LHFPL3: variants seen among roughly 807,000 people sequenced by gnomAD.
LHFPL3 encodes the protein LHFPL tetraspan subfamily member 3 protein.
A neutral mutation model predicts 19.3 loss-of-function variants in LHFPL3; 5 were observed. The ratio of observed to expected loss-of-function variants is 0.26; its 90% CI spans 0.14 to 0.54. LHFPL3 has a LOEUF of 0.54. Among genes scored for constraint, LHFPL3 ranks in the 20% least tolerant of loss-of-function variants. The pLI is 0.94. For synonymous variants in LHFPL3, 133 were observed against 126.2 expected (o/e 1.05, Z -0.36); for missense variants, 249 against 307.4 (o/e 0.81, Z 1.42).
intron 2 of LHFPL3, among the ~76,000 whole-genome samples, chr7:104,832,564 C>G (rs1051938109): frequency 6.6e-6 from 1 of 151,190 alleles, no homozygotes; most frequent in Non-Finnish European, 1.5e-5. Context: ...TCAAATAGCT[C>G]TTTCCCTGCC....
At chr7:104,782,991 C>T (rs889646891) in intron 2 of LHFPL3, among the ~76,000 whole-genome samples, 3 of 152,256 alleles carry the variant, frequency 2.0e-5, no homozygotes, top group Non-Finnish European at 4.4e-5. Context: ...TTTTATCCCT[C>T]CTTAAGATCT....
intron 2 of LHFPL3, among the ~76,000 whole-genome samples, chr7:104,826,032 A>G (rs1055291239): frequency 2.0e-5 from 3 of 151,978 alleles, no homozygotes; most frequent in Non-Finnish European, 4.4e-5. Context: ...ATATTGGGTA[A>G]TTAATTAGCA....
At chr7:104,356,538 C>T (rs1790279455) in intron 1 of LHFPL3, among the ~76,000 whole-genome samples, 1 of 152,106 alleles carries the variant, frequency 6.6e-6, no homozygotes. Flanking sequence ...TTTAATGCAT[C>T]TTGGAACAGG....
intron 1 of LHFPL3, among the ~76,000 whole-genome samples, chr7:104,549,555 A>G (rs143031635): frequency 7.2e-5 from 11 of 152,034 alleles, no homozygotes; most frequent in African/African-American, 2.7e-4. Context: ...TTGGAGTGGT[A>G]GGGACCCACA....
chr7:104,679,686 T>C (rs1792659690), intron 1 of LHFPL3, among the ~76,000 whole-genome samples: 1 of 152,230 alleles, frequency 6.6e-6, no homozygotes, highest in African/African-American at 2.4e-5. Context: ...GGAGTTTTGT[T>C]AGACCATAAT....
At chr7:104,602,693 A>T (rs74523438) in intron 1 of LHFPL3, among the ~76,000 whole-genome samples, 1 of 152,346 alleles carries the variant, frequency 6.6e-6, no homozygotes, top group Non-Finnish European at 1.5e-5. Flanking sequence ...AAGATGTCTT[A>T]GTTTATTTTA....
chr7:104,527,515 G>A (rs1425506260), intron 1 of LHFPL3, among the ~76,000 whole-genome samples: 1 of 152,212 alleles, frequency 6.6e-6, no homozygotes, highest in Non-Finnish European at 1.5e-5. Flanking sequence ...AAGAAGAGGG[G>A]AGGAACTAGT....
At chr7:104,815,113 G>A (rs1167595884) in intron 2 of LHFPL3, among the ~76,000 whole-genome samples, 6 of 152,244 alleles carry the variant, frequency 3.9e-5, no homozygotes, top group South Asian at 4.1e-4. Context: ...CCGAGAGCAC[G>A]AGGATGCATG....
intron 2 of LHFPL3, among the ~76,000 whole-genome samples, chr7:104,807,688 G>A (rs1790389912): frequency 6.6e-6 from 1 of 152,212 alleles, no homozygotes; most frequent in African/African-American, 2.4e-5. Context: ...AAGGGGAAGA[G>A]AAGGAGCAGC....
rs562568611 is a variant in LHFPL3, at chr7:104,629,784, T to G, written c.446-106891T>G. Among the ~76,000 whole-genome samples the G allele has an allele frequency of 2.6e-5, 4 of 152,344 alleles. No individual in the cohort carries two copies. The South Asian group carries it at 8.3e-4, about 32-fold the overall frequency. On this transcript the variant is annotated intron_variant, in intron 1 of 2. Transcript: ENST00000424859. ...TAAACATGGCCCTGGGCTGTAACCT[T>G]TAGCTGACTCTTCAGCTTGACACAA...
In LHFPL3 at chr7:104,638,152, T is replaced by A. The variant is rs2193198; in HGVS notation, c.446-98523T>A. Among the ~76,000 whole-genome samples, 326 of 152,246 alleles carry A rather than the reference T, an allele frequency of 2.1e-3. 2 individuals carry two copies. Among genetic ancestry groups the A allele is most frequent in the African/African-American group, 7.5e-3 (313 of 41,510 alleles). ...AGGAATTTTATATTTTTTGTGGCAA[T>A]TGTGAATGAAATTACGTTCTTTGAT... is the stretch of plus-strand genomic sequence containing the variant. On this transcript the variant is annotated intron_variant, in intron 1 of 2. Coordinates refer to ENST00000424859, the MANE Select transcript of LHFPL3 (RefSeq NM_199000.3).
chr7:104,476,379 G>A (rs1276082886), intron 1 of LHFPL3, among the ~76,000 whole-genome samples: 1 of 152,090 alleles, frequency 6.6e-6, no homozygotes, highest in Admixed American at 6.5e-5. Flanking sequence ...CATGTTGAAG[G>A]AAATAGGAGT....
intron 1 of LHFPL3, among the ~76,000 whole-genome samples, chr7:104,576,172 T>A (rs1393933242): frequency 6.6e-6 from 1 of 151,644 alleles, no homozygotes; most frequent in Non-Finnish European, 1.5e-5. Context: ...AAAAAAAAAT[T>A]AGAAAAAAGA....
At chr7:104,810,931 A>G (rs1790452799) in intron 2 of LHFPL3, among the ~76,000 whole-genome samples, 1 of 152,218 alleles carries the variant, frequency 6.6e-6, no homozygotes, top group Non-Finnish European at 1.5e-5. Context: ...GGTTGTTGTC[A>G]CTGTAGATGC....
intron 1 of LHFPL3, among the ~76,000 whole-genome samples, chr7:104,557,651 T>G (rs1789875109): frequency 6.6e-6 from 1 of 151,626 alleles, no homozygotes; most frequent in Non-Finnish European, 1.5e-5. Flanking sequence ...CTTTAATCTG[T>G]TTTTTATTTT....
chr7:104,588,681 G>C (rs914799455), intron 1 of LHFPL3, among the ~76,000 whole-genome samples: 1 of 152,148 alleles, frequency 6.6e-6, no homozygotes, highest in East Asian at 1.9e-4. Flanking sequence ...GATGGGGATG[G>C]CATTGAATCT....
intron 2 of LHFPL3, among the ~76,000 whole-genome samples, chr7:104,864,011 C>A (rs542244076): frequency 2.0e-5 from 3 of 152,186 alleles, no homozygotes; most frequent in African/African-American, 7.2e-5. Context: ...ACTGAGTTAA[C>A]AAACTTAACA....
chr7:104,517,186 A>G (rs1793936213), intron 1 of LHFPL3, among the ~76,000 whole-genome samples: 1 of 152,114 alleles, frequency 6.6e-6, no homozygotes, highest in Non-Finnish European at 1.5e-5. Context: ...AAAAATACCT[A>G]ATGGATACTA....
intron 1 of LHFPL3, among the ~76,000 whole-genome samples, chr7:104,419,187 A>T (rs1791681223): frequency 6.6e-6 from 1 of 152,216 alleles, no homozygotes. Flanking sequence ...GTAAAAAAAA[A>T]TAAACTATGG....
Sources: allele counts gnomAD v4.1 joint callset (sites outside exome capture counted in the v4.1 genomes callset), GRCh38; gene constraint gnomAD v4.1.1; transcripts MANE v1.5; gene names NCBI Gene and HGNC (gene_info 2026-07-23, HGNC 2026-07-21).